Variants in TAF2 observed in about 807,000 individuals in gnomAD.
TAF2 encodes TATA-box binding protein associated factor 2, also known as transcription initiation factor TFIID subunit 2.
A neutral mutation model predicts 138.5 loss-of-function variants in TAF2; 61 were observed. The ratio of observed to expected loss-of-function variants is 0.44; its 90% CI spans 0.36 to 0.54. The LOEUF is 0.54. TAF2 is among the 20% of genes least tolerant of loss of function. The pLI, the probability that TAF2 is intolerant of heterozygous loss-of-function variation, is 0.00. For missense variants in TAF2, 1,090 were observed against 1,427.9 expected (o/e 0.76, Z 3.81); for synonymous variants, 475 against 469.9 (o/e 1.01, Z -0.14).
At chr8:119,778,326 G>C (rs982310538) in intron 17 of TAF2, among the ~76,000 whole-genome samples, 197 bp from the exon 18 acceptor site, 1 of 152,198 alleles carries the variant, frequency 6.6e-6, no homozygotes, top group Admixed American at 6.5e-5. Flanking sequence ...AGCTGGGCAG[G>C]AAACTAAGGG....
intron 18 of TAF2, among the ~76,000 whole-genome samples, chr8:119,773,745 T>C (rs1395824401): frequency 1.3e-5 from 2 of 151,614 alleles, no homozygotes; most frequent in Non-Finnish European, 2.9e-5. Flanking sequence ...CCTCAACAAC[T>C]TACAGCTCTC....
intron 3 of TAF2, among the ~76,000 whole-genome samples, chr8:119,808,777 A>G (rs1824843838): frequency 6.6e-6 from 1 of 152,222 alleles, no homozygotes; most frequent in South Asian, 2.1e-4. Flanking sequence ...CTTGTCAATA[A>G]GCAGTACCAT....
chr8:119,741,764 AGTCT>A (rs1436754573), intron 25 of TAF2, among the ~76,000 whole-genome samples: 1 of 152,222 alleles, frequency 6.6e-6, no homozygotes, highest in Non-Finnish European at 1.5e-5. Context: ...CAGACTGTAA[AGTCT>A]GTCTACTTCT....
chr8:119,800,081 A>C (rs999988753), intron 6 of TAF2, among the ~76,000 whole-genome samples: 5 of 152,028 alleles, frequency 3.3e-5, no homozygotes, highest in Admixed American at 3.3e-4. Context: ...AAATTTTTCC[A>C]ATTCTGTAGG....
intron 23 of TAF2, 93 bp downstream of exon 23, chr8:119,746,612 G>T: frequency 7.8e-7 from 1 of 1,275,264 alleles, no homozygotes; most frequent in Non-Finnish European, 1.1e-6. Context: ...TGTGTTAGTG[G>T]CTATAAAATT....
At chr8:119,758,966 A>G (rs1279194274) in intron 20 of TAF2, among the ~76,000 whole-genome samples, 36 of 152,092 alleles carry the variant, frequency 2.4e-4, no homozygotes. Flanking sequence ...ATTCTTTTGA[A>G]AATCCTAATA....
At chr8:119,752,584 T>A (rs1820425281) in intron 22 of TAF2, among the ~76,000 whole-genome samples, 1 of 152,210 alleles carries the variant, frequency 6.6e-6, no homozygotes, top group Admixed American at 6.5e-5. Context: ...GCACATGAAT[T>A]TTTAAAAGTC....
chr8:119,789,796 T>C, intron 11 of TAF2, 50 bp from the exon 12 acceptor site: 1 of 1,533,402 alleles, frequency 6.5e-7, no homozygotes, highest in Non-Finnish European at 8.9e-7. Flanking sequence ...TTCTTTTCAA[T>C]TATATAGAAT....
intron 3 of TAF2, among the ~76,000 whole-genome samples, chr8:119,815,711 GAA>G (rs1825415984): frequency 1.3e-5 from 2 of 152,044 alleles, no homozygotes; most frequent in African/African-American, 2.4e-5. Flanking sequence ...CTTTTTCTAA[GAA>G]AAGAGAAGTA....
At chr8:119,793,329 CAAGGTTTA>C in intron 10 of TAF2, 29 bp downstream of exon 10, 1 of 1,524,774 alleles carries the variant, frequency 6.6e-7, no homozygotes. Flanking sequence ...TATATATAGT[CAAGGTTTA>C]TAATATCATC....
chr8:119,797,784 A>G lies in TAF2; in HGVS notation c.855T>C (p.His285=), dbSNP rs191349554. 28 of 1,613,664 alleles carry G rather than the reference A, an allele frequency of 1.7e-5. 1 individual carries two copies. The Middle Eastern group carries it at 6.6e-4, about 38-fold the overall frequency. The change falls in exon 7 of 26, where the codon CAT becomes CAC. Residue 285 remains histidine, a synonymous_variant. Transcript: ENST00000378164. ...TTTCTTCATAAAATTCAAAGACTTCATGAAGGTATGATGTGGTATGTTTCA... is the reference window on the plus strand; with the variant it reads ...TTTCTTCATAAAATTCAAAGACTTCGTGAAGGTATGATGTGGTATGTTTCA... ...PLLKHTTSYL[H]EVFEFYEEIL... is the part of the protein sequence containing the mutation.
intron 23 of TAF2, among the ~76,000 whole-genome samples, chr8:119,746,086 A>G (rs913234067): frequency 3.9e-5 from 6 of 152,160 alleles, no homozygotes; most frequent in Admixed American, 2.0e-4. Context: ...TAGGTTAAAT[A>G]TTCAGCTGGG....
At chr8:119,748,867 T>C (rs938050364) in intron 22 of TAF2, among the ~76,000 whole-genome samples, 3 of 151,846 alleles carry the variant, frequency 2.0e-5, no homozygotes, top group Non-Finnish European at 4.4e-5. Flanking sequence ...TGTATCTCTC[T>C]ATCCATGGGT....
intron 25 of TAF2, among the ~76,000 whole-genome samples, chr8:119,734,001 T>C (rs28636993): frequency 0.034 from 5,166 of 152,224 alleles, 168 homozygotes; most frequent in South Asian, 0.11. Context: ...AAAGGGTTAC[T>C]TGGCAATGTT....
chr8:119,771,454 T>A (rs922229619), intron 18 of TAF2, among the ~76,000 whole-genome samples: 1 of 152,064 alleles, frequency 6.6e-6, no homozygotes, highest in Non-Finnish European at 1.5e-5. Flanking sequence ...CAGGCTGATC[T>A]TGTACTCCTG....
intron 3 of TAF2, 107 bp downstream of exon 3, chr8:119,819,239 C>G: frequency 1.8e-6 from 2 of 1,137,728 alleles, no homozygotes; most frequent in Non-Finnish European, 1.3e-6. Flanking sequence ...GGATTCAAAG[C>G]CCATTAACGA....
At chr8:119,793,599 T>A in intron 9 of TAF2, 148 bp from the exon 10 acceptor site, 2 of 655,516 alleles carry the variant, frequency 3.1e-6, no homozygotes, top group Non-Finnish European at 5.2e-6. Context: ...TAAAGAGTAG[T>A]TTATGTTCTT....
At chr8:119,760,847 G>C in intron 19 of TAF2, 109 bp from the exon 20 acceptor site, 1 of 1,437,480 alleles carries the variant, frequency 7.0e-7, no homozygotes, top group African/African-American at 1.4e-5. Context: ...AAACTGATGT[G>C]ATTTTAATCC....
At chr8:119,826,802 G>A (rs867750166) in intron 2 of TAF2, among the ~76,000 whole-genome samples, 4 of 151,942 alleles carry the variant, frequency 2.6e-5, no homozygotes, top group African/African-American at 7.2e-5. Context: ...CATGTTGGCC[G>A]GTCTGGTCTC....
Sources: gnomAD v4.1 joint callset for allele counts (sites outside exome capture counted in the v4.1 genomes callset) on GRCh38, gnomAD v4.1.1 for gene constraint, MANE v1.5 for transcripts, NCBI Gene and HGNC (gene_info 2026-07-23, HGNC 2026-07-21) for gene names.